EXOC6: variants seen among roughly 807,000 people sequenced by gnomAD.
EXOC6 encodes exocyst complex component 6, also known as SEC15-like 1.
A neutral mutation model predicts 112.5 loss-of-function variants in EXOC6; 60 were observed. That is an observed-to-expected ratio of 0.53 (90% CI 0.43 to 0.66). EXOC6 has a LOEUF of 0.66. Ranked by LOEUF, EXOC6 falls within the 30% of genes least tolerant of loss-of-function variation. The probability of loss-of-function intolerance (pLI) is 0.00; values close to 1 mark genes in which losing one functional copy is unlikely to be tolerated. For synonymous variants in EXOC6, 295 were observed against 308.0 expected (o/e 0.96, Z 0.44); for missense variants, 855 against 957.1 (o/e 0.89, Z 1.41).
intron 6 of EXOC6, 152 bp downstream of exon 6, chr10:92,909,783 A>G (rs1850637707): frequency 1.7e-6 from 1 of 583,784 alleles, no homozygotes; most frequent in Non-Finnish European, 2.9e-6. Context: ...GGATTCTATC[A>G]GTGTTTTCTT....
At chr10:92,933,119 T>G (rs1488795356) in intron 9 of EXOC6, among the ~76,000 whole-genome samples, 1 of 152,176 alleles carries the variant, frequency 6.6e-6, no homozygotes, top group Admixed American at 6.5e-5. Flanking sequence ...TTGTGTGCTT[T>G]TGAGTTGATA....
chr10:92,882,715 G>A (rs1205113825), intron 1 of EXOC6, among the ~76,000 whole-genome samples: 1 of 152,038 alleles, frequency 6.6e-6, no homozygotes, highest in Non-Finnish European at 1.5e-5. Flanking sequence ...GGTTGTTACT[G>A]AAATTTTGGG....
At chr10:92,879,061 A>C (rs1848820959) in intron 1 of EXOC6, among the ~76,000 whole-genome samples, 1 of 152,222 alleles carries the variant, frequency 6.6e-6, no homozygotes, top group Non-Finnish European at 1.5e-5. Context: ...CTTCCACCTC[A>C]GGATATACTT....
chr10:92,994,665 A>G (rs1208051710), intron 18 of EXOC6, among the ~76,000 whole-genome samples: 1 of 152,056 alleles, frequency 6.6e-6, no homozygotes, highest in African/African-American at 2.4e-5. Flanking sequence ...AATGTTAAAA[A>G]CTAGAGCGTC....
chr10:92,984,167 C>G (rs1842920623), intron 18 of EXOC6, among the ~76,000 whole-genome samples: 1 of 152,112 alleles, frequency 6.6e-6, no homozygotes, highest in Non-Finnish European at 1.5e-5. Context: ...GTCCAGTATC[C>G]AAGTTCTGGG....
intron 2 of EXOC6, 86 bp from the exon 3 acceptor site, chr10:92,894,708 A>C: frequency 9.8e-7 from 1 of 1,022,764 alleles, no homozygotes; most frequent in South Asian, 1.4e-5. Flanking sequence ...TTTCTCATGA[A>C]GCATGATCTG....
At chr10:93,024,128 A>C (rs1482514991) in intron 20 of EXOC6, among the ~76,000 whole-genome samples, 1 of 152,222 alleles carries the variant, frequency 6.6e-6, no homozygotes, top group East Asian at 1.9e-4. Flanking sequence ...TTTTGTGAGA[A>C]GTTACTTACA....
At chr10:92,884,605 A>T (rs1849123469) in intron 1 of EXOC6, among the ~76,000 whole-genome samples, 1 of 152,200 alleles carries the variant, frequency 6.6e-6, no homozygotes, top group Non-Finnish European at 1.5e-5. Context: ...AAATATAAGT[A>T]ATTTCGGGAC....
intron 9 of EXOC6, among the ~76,000 whole-genome samples, chr10:92,929,524 TAG>T (rs1851910371): frequency 6.6e-6 from 1 of 152,116 alleles, no homozygotes; most frequent in Non-Finnish European, 1.5e-5. Flanking sequence ...ACAACAAAAA[TAG>T]ATTCTAAAAG....
At chr10:92,929,060 C>A (rs987954142) in intron 9 of EXOC6, among the ~76,000 whole-genome samples, 1 of 152,290 alleles carries the variant, frequency 6.6e-6, no homozygotes, top group African/African-American at 2.4e-5. Flanking sequence ...TGAGTTTTGA[C>A]GACATTGGGT....
At chr10:92,864,316 C>G (rs961294511) in intron 1 of EXOC6, among the ~76,000 whole-genome samples, 2 of 152,196 alleles carry the variant, frequency 1.3e-5, no homozygotes, top group African/African-American at 4.8e-5. Context: ...TTTTCAGACT[C>G]AGGTATTATA....
At chr10:93,005,044 G>A (rs1224335181) in intron 19 of EXOC6, among the ~76,000 whole-genome samples, 1 of 152,178 alleles carries the variant, frequency 6.6e-6, no homozygotes. Context: ...AGGGAATACA[G>A]TGGTAAGCAA....
intron 1 of EXOC6, 72 bp from the exon 2 acceptor site, chr10:92,893,277 T>G (rs1378537907): frequency 1.8e-6 from 2 of 1,093,674 alleles, no homozygotes; most frequent in African/African-American, 3.1e-5. Context: ...TTTTAAGATA[T>G]CACCTCTTGC....
intron 1 of EXOC6, among the ~76,000 whole-genome samples, chr10:92,877,380 A>G (rs1040878602): frequency 2.0e-5 from 3 of 152,074 alleles, no homozygotes; most frequent in Admixed American, 6.6e-5. Context: ...TAGAAGCCAC[A>G]TGGTGTTGAA....
intron 20 of EXOC6, among the ~76,000 whole-genome samples, chr10:93,051,400 G>A (rs114050070): frequency 2.0e-3 from 312 of 152,318 alleles, no homozygotes; most frequent in African/African-American, 7.2e-3. Context: ...ATTGGAAGAG[G>A]GCAGGCTTGG....
Position 92,918,006 on chromosome 10 carries a change from G to T in EXOC6, c.820-1976G>T, listed in dbSNP as rs1485805085. ...TTCCTACAAAAAATACAAAAAAATT[G>T]CCAGGCATAGTGCCTGTATTCCCAG... On this transcript the variant is annotated intron_variant, in intron 7 of 21. Transcript: ENST00000260762. Among the ~76,000 whole-genome samples the T allele has an allele frequency of 6.6e-5, 10 of 152,170 alleles. No homozygotes were observed. In the South Asian group the frequency reaches 1.9e-3, roughly 28 times the overall value.
Position 92,893,385 on chromosome 10 carries a change from G to C in EXOC6, c.138G>C (p.Lys46Asn). Residue 46 changes from lysine (K) to asparagine (N), a missense_variant, in exon 2 of 22, where the codon AAG becomes AAC. Physicochemically the swap from Lys to Asn is moderately conservative, Grantham distance 94. Coordinates refer to ENST00000260762, the MANE Select transcript of EXOC6 (RefSeq NM_019053.6). ...VYDDQPNAHKKFMEKLDACIR... is the reference protein window; with the variant it reads ...VYDDQPNAHKNFMEKLDACIR... ...ATGACCAACCAAATGCGCACAAGAA[G>C]TTTATGGAAAAGTTAGATGCTTGTA... 6.2e-7 allele frequency: 1 copy of C among 1,612,354 alleles called. No individual in the cohort carries two copies. The highest frequency in any genetic ancestry group is 8.5e-7 in the Non-Finnish European group (1 of 1,179,132).
intron 1 of EXOC6, among the ~76,000 whole-genome samples, chr10:92,849,024 C>T (rs1230049724): frequency 6.6e-6 from 1 of 152,146 alleles, no homozygotes; most frequent in Non-Finnish European, 1.5e-5. Flanking sequence ...CGGCCGCGGG[C>T]ATGCCAGGCT....
chr10:92,857,140 G>T (rs1847642063), intron 1 of EXOC6, among the ~76,000 whole-genome samples: 1 of 146,258 alleles, frequency 6.8e-6, no homozygotes, highest in Non-Finnish European at 1.5e-5. Context: ...TGTTTTTCTT[G>T]TGTTCTATGT....
Sources: gnomAD v4.1 joint callset for allele counts (sites outside exome capture counted in the v4.1 genomes callset) on GRCh38, gnomAD v4.1.1 for gene constraint, MANE v1.5 for transcripts, NCBI Gene and HGNC (gene_info 2026-07-23, HGNC 2026-07-21) for gene names.